The following AUTS2 variants were observed in gnomAD, a reference collection of about 807,000 sequenced individuals.
AUTS2 encodes the protein autism susceptibility gene 2 protein.
Under a neutral mutation model 112.4 loss-of-function variants are expected in AUTS2, and 17 were observed. That is an observed-to-expected ratio of 0.15 (90% CI 0.10 to 0.23). The LOEUF (loss-of-function observed/expected upper bound fraction) is 0.23, where lower values mean the gene tolerates loss of function less well. AUTS2 is among the 10% of genes least tolerant of loss of function. The probability of loss-of-function intolerance (pLI) is 1.00; values close to 1 mark genes in which losing one functional copy is unlikely to be tolerated. For missense variants in AUTS2, 1,510 were observed against 1,701.6 expected (o/e 0.89, Z 1.98); for synonymous variants, 751 against 702.7 (o/e 1.07, Z -1.09).
chr7:70,614,486 G>C lies in AUTS2; in HGVS notation c.691-84083G>C, dbSNP rs117295120. On this transcript the variant is annotated intron_variant, in intron 5 of 18. Transcript: ENST00000342771. ...CGATGGTGCTAAGTGGAGGTGTGGG[G>C]GTTTCTTTTTGCTGTGGACAGTAAA... 4.0e-3 allele frequency among the ~76,000 whole-genome samples: 603 copies of C among 152,254 alleles called. 2 individuals carry two copies. Among genetic ancestry groups the C allele is most frequent in the Non-Finnish European group, 6.9e-3 (470 of 68,014 alleles).
At chr7:70,428,116 G>A (rs1037028115) in intron 4 of AUTS2, among the ~76,000 whole-genome samples, 3 of 152,108 alleles carry the variant, frequency 2.0e-5, no homozygotes, top group Non-Finnish European at 2.9e-5. Flanking sequence ...AAGAGTCGAC[G>A]ACATTATTTC....
chr7:70,781,014 G>A (rs1372765249), intron 14 of AUTS2, among the ~76,000 whole-genome samples: 1 of 152,008 alleles, frequency 6.6e-6, no homozygotes, highest in African/African-American at 2.4e-5. Context: ...TTTGGGAGTG[G>A]TGGCAGTCTC....
At chr7:70,225,155 C>T (rs1811698292) in intron 4 of AUTS2, among the ~76,000 whole-genome samples, 2 of 152,152 alleles carry the variant, frequency 1.3e-5, no homozygotes, top group African/African-American at 4.8e-5. Context: ...GAATAAGTTT[C>T]CCACATCACT....
intron 4 of AUTS2, among the ~76,000 whole-genome samples, chr7:70,369,584 A>G (rs972989771): frequency 5.3e-5 from 8 of 152,146 alleles, no homozygotes; most frequent in African/African-American, 1.7e-4. Flanking sequence ...GGCAAGAAGG[A>G]GAGTGGCCAG....
intron 5 of AUTS2, among the ~76,000 whole-genome samples, chr7:70,675,343 AT>A (rs1348814345): frequency 1.3e-5 from 2 of 152,142 alleles, no homozygotes; most frequent in Admixed American, 6.5e-5. Flanking sequence ...AATTATAAAA[AT>A]TAGCCAGGTG....
At chr7:70,730,270 A>G (rs572951192) in intron 6 of AUTS2, among the ~76,000 whole-genome samples, 1 of 152,130 alleles carries the variant, frequency 6.6e-6, no homozygotes, top group South Asian at 2.1e-4. Context: ...GTTAGACTTC[A>G]CAGACCATGA....
intron 5 of AUTS2, among the ~76,000 whole-genome samples, chr7:70,604,281 T>C (rs1320591831): frequency 6.6e-6 from 1 of 152,220 alleles, no homozygotes; most frequent in African/African-American, 2.4e-5. Context: ...AGGCTGGTGA[T>C]GGGCTGGGGT....
intron 5 of AUTS2, among the ~76,000 whole-genome samples, chr7:70,663,201 C>A (rs894949469): frequency 2.6e-5 from 4 of 152,120 alleles, no homozygotes; most frequent in Non-Finnish European, 5.9e-5. Flanking sequence ...TTGAGACCAG[C>A]CTGGCCAACA....
In AUTS2 at chr7:70,763,115, G is replaced by T; in HGVS notation, c.988G>T (p.Ala330Ser). ...PDPDLVQRTE[A>S]PPQPPPLSTQ... ...CCCTGACTTGGTGCAGCGCACAGAG[G>T]CCCCACCTCAACCCCCACCTCTGAG... Residue 330 changes from alanine (A) to serine (S), a missense_variant, in exon 7 of 19, where the codon GCC becomes TCC. Ala to Ser is a moderately conservative substitution (Grantham distance 99, BLOSUM62 1). This residue lies in a region of AUTS2 where 535 missense variants were observed against 594.3 expected (regional missense o/e 0.90). Coordinates refer to ENST00000342771, the MANE Select transcript of AUTS2 (RefSeq NM_015570.4). 1 of 1,613,934 alleles carries T rather than the reference G, an allele frequency of 6.2e-7. No individual in the cohort carries two copies. Among genetic ancestry groups the T allele is most frequent in the Non-Finnish European group, 8.5e-7 (1 of 1,179,996 alleles).
chr7:70,064,477 T>G (rs1412380577), intron 2 of AUTS2, among the ~76,000 whole-genome samples: 1 of 152,202 alleles, frequency 6.6e-6, no homozygotes, highest in Non-Finnish European at 1.5e-5. Context: ...CAAAAGTGGT[T>G]TATGTTTACT....
chr7:70,389,335 A>C (rs1793747496), intron 4 of AUTS2, among the ~76,000 whole-genome samples: 1 of 152,208 alleles, frequency 6.6e-6, no homozygotes, highest in South Asian at 2.1e-4. Context: ...TAGAGCTGCC[A>C]GCCCAATGGG....
At chr7:70,661,344 T>C (rs1249562045) in intron 5 of AUTS2, among the ~76,000 whole-genome samples, 5 of 152,118 alleles carry the variant, frequency 3.3e-5, no homozygotes, top group Non-Finnish European at 7.4e-5. Context: ...GAGGGGAAGG[T>C]AGTCCCCTGG....
Position 70,227,314 on chromosome 7 carries a change from T to A in AUTS2, c.660+92743T>A, listed in dbSNP as rs1402927950. Among the ~76,000 whole-genome samples, 422 of 144,892 alleles carry A rather than the reference T, an allele frequency of 2.9e-3. 1 individual carries two copies. Among genetic ancestry groups the A allele is most frequent in the South Asian group, 8.6e-3 (39 of 4,546 alleles). On this transcript the variant is annotated intron_variant, in intron 4 of 18. Transcript: ENST00000342771. ...TTTCTGGTCACTTTTCTCATGCATT[T>A]AAAAAAAAAAAAACAACCTTTTTAA...
At chr7:70,371,370 C>A (rs1057203197) in intron 4 of AUTS2, among the ~76,000 whole-genome samples, 9 of 152,178 alleles carry the variant, frequency 5.9e-5, no homozygotes, top group African/African-American at 2.2e-4. Flanking sequence ...GTATTGATTG[C>A]ATGCACTGAT....
intron 4 of AUTS2, among the ~76,000 whole-genome samples, chr7:70,165,885 C>A (rs1350028360): frequency 6.6e-6 from 1 of 152,008 alleles, no homozygotes; most frequent in Non-Finnish European, 1.5e-5. Context: ...AATTGTAATC[C>A]CCACGTGTTG....
At chr7:70,241,478 T>C (rs189152485) in intron 4 of AUTS2, among the ~76,000 whole-genome samples, 2 of 152,310 alleles carry the variant, frequency 1.3e-5, no homozygotes, top group Admixed American at 1.3e-4. Context: ...TTACTACTTT[T>C]TTGAAGTTTT....
intron 1 of AUTS2, among the ~76,000 whole-genome samples, chr7:69,676,029 G>A (rs1217887729): frequency 6.6e-6 from 1 of 152,124 alleles, no homozygotes; most frequent in Non-Finnish European, 1.5e-5. Context: ...TGAAAGAGAA[G>A]GTAGAACCTG....
chr7:70,435,537 C>G (rs1333451106), intron 4 of AUTS2, among the ~76,000 whole-genome samples: 1 of 152,202 alleles, frequency 6.6e-6, no homozygotes, highest in African/African-American at 2.4e-5. Context: ...ATGAAATCAA[C>G]AAAATAACTT....
intron 6 of AUTS2, among the ~76,000 whole-genome samples, chr7:70,759,416 C>T (rs1263922575): frequency 6.6e-6 from 1 of 152,200 alleles, no homozygotes; most frequent in Non-Finnish European, 1.5e-5. Context: ...CTCAGAAAGG[C>T]AGAATCTAGA....
Sources: allele counts gnomAD v4.1 joint callset (sites outside exome capture counted in the v4.1 genomes callset), GRCh38; gene constraint gnomAD v4.1.1; regional missense constraint gnomAD v4.1.1; transcripts MANE v1.5; gene names NCBI Gene and HGNC (gene_info 2026-07-23, HGNC 2026-07-21).